TANC2: variants seen among roughly 807,000 people sequenced by gnomAD.
TANC2 encodes tetratricopeptide repeat, ankyrin repeat and coiled-coil containing 2.
A neutral mutation model predicts 210.5 loss-of-function variants in TANC2; 26 were observed. The observed-to-expected ratio is 0.12, with a 90% confidence interval of 0.09 to 0.17. TANC2 has a LOEUF of 0.17. Ranked by LOEUF, TANC2 falls within the 10% of genes least tolerant of loss-of-function variation. The pLI is 1.00. For missense variants in TANC2, 2,129 were observed against 2,608.9 expected (o/e 0.82, Z 4.01); for synonymous variants, 931 against 967.1 (o/e 0.96, Z 0.69).
intron 14 of TANC2, among the ~76,000 whole-genome samples, chr17:63,366,885 T>C (rs2047125810): frequency 6.6e-6 from 1 of 152,226 alleles, no homozygotes; most frequent in Non-Finnish European, 1.5e-5. Flanking sequence ...GAAATAATTT[T>C]CGCCAAGAAG....
chr17:63,015,940 T>C (rs1007203255), intron 2 of TANC2, among the ~76,000 whole-genome samples: 3 of 151,822 alleles, frequency 2.0e-5, no homozygotes, highest in African/African-American at 7.3e-5. Flanking sequence ...TTGATATCAT[T>C]GTGTCATTGT....
At position 63,010,094 on chromosome 17, in the gene TANC2, G is replaced by A. The variant is rs546576867; in HGVS notation, c.67+468G>A. Among the ~76,000 whole-genome samples, 9 of 152,136 alleles carry A rather than the reference G, an allele frequency of 5.9e-5. No homozygotes were observed. In the South Asian group the frequency reaches 1.9e-3, roughly 32 times the overall value. On this transcript the variant is annotated intron_variant, in intron 2 of 27. Coordinates refer to ENST00000689528, the Ensembl canonical transcript of TANC2. ...TTTAGAACAAGGGGTTAAGTCTTAG[G>A]CTTTTGAGGTAAAACTATATATACT...
At chr17:63,211,614 C>T (rs779535156) in intron 7 of TANC2, among the ~76,000 whole-genome samples, 6 of 152,188 alleles carry the variant, frequency 3.9e-5, no homozygotes, top group Non-Finnish European at 8.8e-5. Context: ...TATTATTACT[C>T]CACTTTCCCA....
intron 3 of TANC2, among the ~76,000 whole-genome samples, chr17:63,086,218 G>A (rs981073227): frequency 2.0e-5 from 3 of 151,922 alleles, no homozygotes; most frequent in African/African-American, 7.3e-5. Context: ...AGTTTGTTTG[G>A]CATTTATCCT....
chr17:62,972,175 A>T (rs2031736404), intron 1 of TANC2, among the ~76,000 whole-genome samples: 1 of 152,152 alleles, frequency 6.6e-6, no homozygotes, highest in African/African-American at 2.4e-5. Flanking sequence ...AGTTTATTTT[A>T]AAAAATCTTT....
intron 9 of TANC2, among the ~76,000 whole-genome samples, chr17:63,279,178 A>C (rs920470584): frequency 6.6e-6 from 1 of 152,122 alleles, no homozygotes; most frequent in Non-Finnish European, 1.5e-5. Flanking sequence ...GAAGTCCATG[A>C]TGCTGCCAAG....
chr17:63,400,770 A>G (rs2048319143), intron 19 of TANC2, among the ~76,000 whole-genome samples: 1 of 150,892 alleles, frequency 6.6e-6, no homozygotes, highest in South Asian at 2.1e-4. Flanking sequence ...CAGCCTCCCG[A>G]GTAGCTGGGA....
chr17:63,064,822 G>A (rs1009507352), intron 2 of TANC2, among the ~76,000 whole-genome samples: 10 of 151,326 alleles, frequency 6.6e-5, no homozygotes, highest in African/African-American at 2.4e-4. Context: ...TATGAATTGT[G>A]AAAGGATTAA....
At chr17:63,138,982 C>T (rs918119607) in intron 4 of TANC2, among the ~76,000 whole-genome samples, 23 of 152,240 alleles carry the variant, frequency 1.5e-4, no homozygotes, top group African/African-American at 2.9e-4. Flanking sequence ...CTATGCCATC[C>T]GTGGAATTGA....
intron 4 of TANC2, among the ~76,000 whole-genome samples, chr17:63,120,976 C>T (rs1323540061): frequency 6.6e-6 from 1 of 151,692 alleles, no homozygotes; most frequent in African/African-American, 2.4e-5. Context: ...GGTTTTTTCC[C>T]CTGGTTTTCA....
chr17:62,994,525 CTTTCTA>C (rs149535185), intron 1 of TANC2, among the ~76,000 whole-genome samples: 128 of 152,144 alleles, frequency 8.4e-4, no homozygotes, highest in African/African-American at 2.9e-3. Flanking sequence ...GAGGATGTTT[CTTTCTA>C]TTTCTAGTAT....
At chr17:63,133,925 T>C (rs1282186338) in intron 4 of TANC2, among the ~76,000 whole-genome samples, 1 of 152,190 alleles carries the variant, frequency 6.6e-6, no homozygotes, top group African/African-American at 2.4e-5. Flanking sequence ...TAAATCATGC[T>C]AAACCAACTT....
chr17:63,055,799 T>C lies in TANC2; in HGVS notation c.68-18144T>C, dbSNP rs187275382. Among the ~76,000 whole-genome samples the C allele has an allele frequency of 1.6e-3, 242 of 150,254 alleles. 1 individual carries two copies. The highest frequency in any genetic ancestry group is 5.7e-3 in the African/African-American group (235 of 41,068). The stretch of plus-strand genomic sequence containing the variant: ...TACTGTGTATCATTGCAGTCTTGCT[T>C]TTTTGAGTAATGGATTCCTAGATTC... On this transcript the variant is annotated intron_variant, in intron 2 of 27. Coordinates refer to ENST00000689528, the Ensembl canonical transcript of TANC2.
intron 1 of TANC2, among the ~76,000 whole-genome samples, chr17:62,969,356 C>T (rs1025363914): frequency 6.6e-6 from 1 of 152,150 alleles, no homozygotes; most frequent in African/African-American, 2.4e-5. Flanking sequence ...ATGCTAGCTC[C>T]AGAACCTGTG....
chr17:63,091,630 G>A lies in TANC2; in HGVS notation c.140-7545G>A, dbSNP rs560650427. On this transcript the variant is annotated intron_variant, in intron 3 of 27. Transcript: ENST00000689528. ...TTACTGTAGCCTTGTAGTATAGTTT[G>A]AAGTCAGGTAGCATGATGCCTCCAG... Among the ~76,000 whole-genome samples, 9 of 152,306 alleles carry A rather than the reference G, an allele frequency of 5.9e-5. No homozygotes were observed. The South Asian group carries it at 1.5e-3, about 25-fold the overall frequency.
chr17:63,115,590 A>G (rs2038220734), intron 4 of TANC2, among the ~76,000 whole-genome samples: 1 of 152,190 alleles, frequency 6.6e-6, no homozygotes, highest in Non-Finnish European at 1.5e-5. Flanking sequence ...GGGACACAAT[A>G]TCCAGTCAAA....
At chr17:63,401,048 A>G (rs1355666051) in intron 19 of TANC2, among the ~76,000 whole-genome samples, 1 of 152,220 alleles carries the variant, frequency 6.6e-6, no homozygotes, top group Admixed American at 6.5e-5. Context: ...AGAACTCATC[A>G]CTAGTATAGA....
rs1255352048 is a variant in TANC2 at position 63,061,523 on chromosome 17, ACAT to A, written c.68-12419_68-12417del. Among the ~76,000 whole-genome samples, 3 of 152,326 alleles carry A rather than the reference ACAT, an allele frequency of 2.0e-5. No individual in the cohort carries two copies. In the East Asian group the frequency reaches 5.8e-4, roughly 29 times the overall value. ...CAAGTATACAGGGTACTCTTGAAATACATAGTTTCAAGTATGTGTGTGTGTGTG... is the reference window on the plus strand; with the variant it reads ...CAAGTATACAGGGTACTCTTGAAATAAGTTTCAAGTATGTGTGTGTGTGTG... On this transcript the variant is annotated intron_variant, in intron 2 of 27. Coordinates refer to ENST00000689528, the Ensembl canonical transcript of TANC2.
chr17:63,336,853 G>A (rs542408879), intron 11 of TANC2, among the ~76,000 whole-genome samples: 4 of 152,328 alleles, frequency 2.6e-5, no homozygotes, highest in African/African-American at 9.6e-5. Context: ...GATTTATTAT[G>A]AGTAGACTAA....
Sources: gnomAD v4.1 joint callset for allele counts (sites outside exome capture counted in the v4.1 genomes callset) on GRCh38, gnomAD v4.1.1 for gene constraint, MANE v1.5 for transcripts, NCBI Gene and HGNC (gene_info 2026-07-23, HGNC 2026-07-21) for gene names.